DIAPH3: variants seen among roughly 807,000 people sequenced by gnomAD.
DIAPH3 encodes protein diaphanous homolog 3.
In DIAPH3, 117 loss-of-function variants were observed where a neutral mutation model predicts 144.3. The ratio of observed to expected loss-of-function variants is 0.81; its 90% CI spans 0.70 to 0.95. DIAPH3 has a LOEUF of 0.95. DIAPH3 is among the 40% of genes least tolerant of loss of function. DIAPH3 has a pLI of 0.00. For synonymous variants in DIAPH3, 519 were observed against 488.9 expected, an observed-to-expected ratio of 1.06 and a Z score of -0.81; for missense variants, 1,421 against 1,412.7, an observed-to-expected ratio of 1.01 and a Z score of -0.09.
intron 27 of DIAPH3, among the ~76,000 whole-genome samples, chr13:59,718,072 C>T (rs574884591): frequency 1.3e-5 from 2 of 151,654 alleles, no homozygotes; most frequent in Non-Finnish European, 2.9e-5. Flanking sequence ...ATTATTTATT[C>T]CGTTTCAGAC....
At chr13:60,146,023 G>A (rs1367494769) in intron 1 of DIAPH3, among the ~76,000 whole-genome samples, 2 of 127,734 alleles carry the variant, frequency 1.6e-5, no homozygotes, top group African/African-American at 3.1e-5. Flanking sequence ...TTACCATTAA[G>A]TTTTCTTGTA....
chr13:59,981,149 G>A (rs1428235413), intron 13 of DIAPH3, among the ~76,000 whole-genome samples: 2 of 150,608 alleles, frequency 1.3e-5, no homozygotes, highest in Non-Finnish European at 1.5e-5. Context: ...TCACCAACTC[G>A]TACATATTTT....
intron 27 of DIAPH3, among the ~76,000 whole-genome samples, chr13:59,704,932 A>AT (rs547653785): frequency 2.0e-4 from 30 of 152,094 alleles, no homozygotes; most frequent in African/African-American, 6.5e-4. Context: ...GGGTTTGACT[A>AT]TTTTTTTCAC....
At chr13:60,065,515 AAC>A (rs2056925562) in intron 4 of DIAPH3, among the ~76,000 whole-genome samples, 1 of 152,166 alleles carries the variant, frequency 6.6e-6, no homozygotes, top group South Asian at 2.1e-4. Context: ...CAGTGCCTGA[AAC>A]ACAGCAATAT....
chr13:59,704,418 G>A (rs988632270), intron 27 of DIAPH3, among the ~76,000 whole-genome samples: 4 of 152,198 alleles, frequency 2.6e-5, no homozygotes, highest in Non-Finnish European at 5.9e-5. Flanking sequence ...GTTTCCTCTG[G>A]TATTCTAGTT....
chr13:59,694,925 T>C (rs1193830193), intron 27 of DIAPH3, among the ~76,000 whole-genome samples: 1 of 152,156 alleles, frequency 6.6e-6, no homozygotes, highest in Admixed American at 6.5e-5. Context: ...TCTGACTGAA[T>C]CTAGTTGAAA....
At chr13:59,754,914 A>G (rs1351377027) in intron 27 of DIAPH3, among the ~76,000 whole-genome samples, 7 of 152,158 alleles carry the variant, frequency 4.6e-5, no homozygotes, top group Non-Finnish European at 8.8e-5. Context: ...GTCCCATTTT[A>G]CTGACCAAAA....
chr13:59,854,720 G>C (rs958730182), intron 22 of DIAPH3, among the ~76,000 whole-genome samples: 2 of 152,158 alleles, frequency 1.3e-5, no homozygotes, highest in Non-Finnish European at 2.9e-5. Context: ...TGGTGATACT[G>C]TCCTGTTACT....
At chr13:59,707,972 T>C (rs961319843) in intron 27 of DIAPH3, among the ~76,000 whole-genome samples, 3 of 151,584 alleles carry the variant, frequency 2.0e-5, no homozygotes, top group African/African-American at 4.9e-5. Flanking sequence ...AAACATACTA[T>C]TTCTCTCATC....
chr13:59,901,316 G>T (rs932771940), intron 20 of DIAPH3, among the ~76,000 whole-genome samples: 1 of 152,170 alleles, frequency 6.6e-6, no homozygotes, highest in African/African-American at 2.4e-5. Flanking sequence ...CCTTCACTCT[G>T]CCACAGCCAC....
At chr13:59,765,522 A>T (rs1480494121) in intron 27 of DIAPH3, among the ~76,000 whole-genome samples, 1 of 152,164 alleles carries the variant, frequency 6.6e-6, no homozygotes, top group Non-Finnish European at 1.5e-5. Context: ...AAATAACCAC[A>T]GTCACCCTGA....
intron 24 of DIAPH3, among the ~76,000 whole-genome samples, chr13:59,819,438 T>C (rs990933806): frequency 6.6e-6 from 1 of 151,866 alleles, no homozygotes; most frequent in African/African-American, 2.4e-5. Context: ...GTGGGATGGA[T>C]TTTTAAGAGT....
At chr13:59,958,284 G>A (rs915951281) in intron 17 of DIAPH3, among the ~76,000 whole-genome samples, 9 of 152,040 alleles carry the variant, frequency 5.9e-5, no homozygotes, top group Non-Finnish European at 1.0e-4. Flanking sequence ...TTTGAACTAG[G>A]AAAAGGTCTC....
intron 21 of DIAPH3, among the ~76,000 whole-genome samples, chr13:59,864,753 A>T (rs1484788196): frequency 6.6e-6 from 1 of 152,070 alleles, no homozygotes; most frequent in Non-Finnish European, 1.5e-5. Flanking sequence ...TTATAAAGCT[A>T]AACACTGATT....
intron 4 of DIAPH3, among the ~76,000 whole-genome samples, chr13:60,053,260 C>T (rs2056429419): frequency 6.6e-6 from 1 of 152,020 alleles, no homozygotes; most frequent in South Asian, 2.1e-4. Flanking sequence ...GGCTGCATAT[C>T]TTTAAGTCCA....
chr13:60,075,142 C>G (rs1032370136), intron 4 of DIAPH3, among the ~76,000 whole-genome samples: 1 of 152,096 alleles, frequency 6.6e-6, no homozygotes, highest in Non-Finnish European at 1.5e-5. Context: ...TCTATTATGA[C>G]AGACAAAAAA....
At chr13:59,976,309 T>C (rs1274987452) in intron 14 of DIAPH3, among the ~76,000 whole-genome samples, 3 of 151,910 alleles carry the variant, frequency 2.0e-5, no homozygotes, top group Non-Finnish European at 2.9e-5. Context: ...GTGATCTCTC[T>C]AGGGCCATGC....
At chr13:60,100,565 T>G (rs2058239752) in intron 3 of DIAPH3, among the ~76,000 whole-genome samples, 1 of 152,130 alleles carries the variant, frequency 6.6e-6, no homozygotes, top group Non-Finnish European at 1.5e-5. Flanking sequence ...ATTCTTAGTT[T>G]TAATAATTGT....
chr13:59,803,381 C>A (rs2040038165), intron 25 of DIAPH3, among the ~76,000 whole-genome samples: 1 of 152,048 alleles, frequency 6.6e-6, no homozygotes. Context: ...GGCATTTAAT[C>A]TTTTATTCCC....
Sources: gnomAD v4.1 joint callset for allele counts (sites outside exome capture counted in the v4.1 genomes callset) on GRCh38, gnomAD v4.1.1 for gene constraint, MANE v1.5 for transcripts, NCBI Gene and HGNC (gene_info 2026-07-23, HGNC 2026-07-21) for gene names.